Variants in CACNA2D3 observed in about 807,000 individuals in gnomAD.
CACNA2D3 encodes voltage-dependent calcium channel subunit alpha-2/delta-3.
Under a neutral mutation model 160.6 loss-of-function variants are expected in CACNA2D3, and 60 were observed. The ratio of observed to expected loss-of-function variants is 0.37; its 90% CI spans 0.30 to 0.46. The LOEUF is 0.46. Ranked by LOEUF, CACNA2D3 falls within the 20% of genes least tolerant of loss-of-function variation. The pLI is 1.00. For synonymous variants in CACNA2D3, 558 were observed against 492.9 expected, an observed-to-expected ratio of 1.13 and a Z score of -1.75; for missense variants, 1,205 against 1,365.0, an observed-to-expected ratio of 0.88 and a Z score of 1.85.
intron 30 of CACNA2D3, among the ~76,000 whole-genome samples, chr3:54,984,934 T>G (rs1559455137): frequency 6.6e-6 from 1 of 152,108 alleles, no homozygotes; most frequent in East Asian, 1.9e-4. Flanking sequence ...AATGTTCAAT[T>G]TATAGAACTC....
chr3:54,519,002 C>G (rs1701600304), intron 5 of CACNA2D3, among the ~76,000 whole-genome samples: 2 of 152,274 alleles, frequency 1.3e-5, no homozygotes, highest in Admixed American at 6.5e-5. Flanking sequence ...AAGAACCTCA[C>G]AGGGTGTGGG....
chr3:54,947,985 C>G (rs1305610802), intron 27 of CACNA2D3, among the ~76,000 whole-genome samples: 6 of 152,210 alleles, frequency 3.9e-5, no homozygotes, highest in African/African-American at 1.4e-4. Context: ...AAATGCTAAT[C>G]TGGAACCACA....
chr3:54,450,616 G>A (rs1306753737), intron 4 of CACNA2D3, among the ~76,000 whole-genome samples: 2 of 151,912 alleles, frequency 1.3e-5, no homozygotes, highest in African/African-American at 2.4e-5. Flanking sequence ...AAAAGCGCCT[G>A]GCACCTCCCC....
At chr3:54,895,116 A>G (rs1700158311) in intron 25 of CACNA2D3, among the ~76,000 whole-genome samples, 1 of 152,214 alleles carries the variant, frequency 6.6e-6, no homozygotes, top group Admixed American at 6.5e-5. Context: ...TAGTTCTAGT[A>G]GCACAAAATT....
At chr3:54,517,063 C>CTAA (rs1701563054) in intron 5 of CACNA2D3, among the ~76,000 whole-genome samples, 1 of 152,204 alleles carries the variant, frequency 6.6e-6, no homozygotes, top group Non-Finnish European at 1.5e-5. Flanking sequence ...GTAGTCCCTT[C>CTAA]TAAGGATCAC....
At chr3:55,028,077 G>A (rs1034649920) in intron 35 of CACNA2D3, among the ~76,000 whole-genome samples, 1 of 152,208 alleles carries the variant, frequency 6.6e-6, no homozygotes, top group Non-Finnish European at 1.5e-5. Flanking sequence ...AGTCTTTGAA[G>A]AACAAAGTTG....
At chr3:54,609,040 A>G (rs1368832416) in intron 9 of CACNA2D3, among the ~76,000 whole-genome samples, 1 of 152,206 alleles carries the variant, frequency 6.6e-6, no homozygotes. Context: ...TGTCCCCCCA[A>G]CAACTGTGTG....
intron 2 of CACNA2D3, among the ~76,000 whole-genome samples, chr3:54,123,850 T>G (rs1182735831): frequency 6.6e-6 from 1 of 152,046 alleles, no homozygotes. Context: ...GGAAACTGAG[T>G]GTTTTTGCAT....
chr3:54,548,994 A>C (rs1313297201), intron 5 of CACNA2D3, among the ~76,000 whole-genome samples: 4 of 152,364 alleles, frequency 2.6e-5, no homozygotes, highest in Middle Eastern at 3.4e-3. Context: ...GCTATACCTC[A>C]GTAAAGCTGT....
At chr3:54,268,558 C>T (rs980877558) in intron 2 of CACNA2D3, among the ~76,000 whole-genome samples, 1 of 152,118 alleles carries the variant, frequency 6.6e-6, no homozygotes, top group African/African-American at 2.4e-5. Context: ...TATAGGTGCC[C>T]ACCACCACGC....
intron 3 of CACNA2D3, among the ~76,000 whole-genome samples, chr3:54,343,196 C>T (rs369091208): frequency 1.3e-5 from 2 of 152,194 alleles, no homozygotes; most frequent in South Asian, 4.1e-4. Context: ...AAGCCCCCCC[C>T]TCCCACGAGG....
At chr3:54,833,065 G>A (rs1029107770) in intron 14 of CACNA2D3, among the ~76,000 whole-genome samples, 2 of 152,194 alleles carry the variant, frequency 1.3e-5, no homozygotes, top group South Asian at 4.1e-4. Context: ...ATTCATATGA[G>A]CCTACATGCA....
intron 2 of CACNA2D3, among the ~76,000 whole-genome samples, chr3:54,126,918 G>GACA (rs1699605185): frequency 6.6e-6 from 1 of 152,174 alleles, no homozygotes; most frequent in African/African-American, 2.4e-5. Flanking sequence ...GACTTTGTTT[G>GACA]GTTCTTTTGG....
chr3:54,749,633 C>T (rs1012055927), intron 11 of CACNA2D3, among the ~76,000 whole-genome samples: 1 of 152,114 alleles, frequency 6.6e-6, no homozygotes, highest in Non-Finnish European at 1.5e-5. Flanking sequence ...AAAGTAAAAT[C>T]TCTTTTCTTC....
intron 9 of CACNA2D3, among the ~76,000 whole-genome samples, chr3:54,627,284 T>C (rs1311021976): frequency 2.0e-5 from 3 of 152,178 alleles, no homozygotes; most frequent in Non-Finnish European, 2.9e-5. Context: ...AAAGGAAGCA[T>C]TCTAGGCTAG....
chr3:54,835,969 A>C (rs1201133149), intron 14 of CACNA2D3, among the ~76,000 whole-genome samples: 1 of 152,196 alleles, frequency 6.6e-6, no homozygotes, highest in African/African-American at 2.4e-5. Context: ...TCATATGAGC[A>C]TGTGGAGACT....
rs147419139 is a variant in CACNA2D3, at chr3:54,242,235, A to G, written c.205-78207A>G. 1.8e-3 allele frequency among the ~76,000 whole-genome samples: 269 copies of G among 151,994 alleles called. 3 individuals carry two copies. The highest frequency in any genetic ancestry group is 1.7e-3 in the Non-Finnish European group (113 of 67,984). On this transcript the variant is annotated intron_variant, in intron 2 of 37. Transcript: ENST00000474759. Reference sequence around the variant, plus strand: ...CAGGAGTTCCAGACCAGCCTGGCCAACATGGTGAAATCCCAGCTCTACTAA... The same window carrying G: ...CAGGAGTTCCAGACCAGCCTGGCCAGCATGGTGAAATCCCAGCTCTACTAA...
At chr3:54,647,955 C>T (rs1699685183) in intron 11 of CACNA2D3, among the ~76,000 whole-genome samples, 1 of 152,144 alleles carries the variant, frequency 6.6e-6, no homozygotes. Flanking sequence ...AAAATATGAA[C>T]TCCAATATGA....
At chr3:54,969,102 A>G (rs6800164) in intron 28 of CACNA2D3, among the ~76,000 whole-genome samples, 2 of 152,142 alleles carry the variant, frequency 1.3e-5, no homozygotes, top group African/African-American at 4.8e-5. Flanking sequence ...TTAAATTAAG[A>G]TACTTTAGGA....
Sources: gnomAD v4.1 joint callset for allele counts (sites outside exome capture counted in the v4.1 genomes callset) on GRCh38, gnomAD v4.1.1 for gene constraint, MANE v1.5 for transcripts, NCBI Gene and HGNC (gene_info 2026-07-23, HGNC 2026-07-21) for gene names.